Variants in SLC9A9 observed in about 807,000 individuals in gnomAD.
SLC9A9 encodes sodium/hydrogen exchanger 9.
A neutral mutation model predicts 77.8 loss-of-function variants in SLC9A9; 62 were observed. The ratio of observed to expected loss-of-function variants is 0.80; its 90% CI spans 0.65 to 0.98. The LOEUF is 0.98. SLC9A9 is among the 50% of genes least tolerant of loss of function. The pLI is 0.00. For missense variants in SLC9A9, 775 were observed against 774.9 expected, an observed-to-expected ratio of 1.00 and a Z score of 0.00; for synonymous variants, 320 against 283.5, an observed-to-expected ratio of 1.13 and a Z score of -1.29.
intron 13 of SLC9A9, 34 bp downstream of exon 13, chr3:143,382,026 C>G: frequency 6.2e-7 from 1 of 1,612,330 alleles, no homozygotes; most frequent in Non-Finnish European, 8.5e-7. Context: ...ACAATCATAT[C>G]TCTATATAAT....
intron 14 of SLC9A9, 117 bp from the exon 15 acceptor site, chr3:143,269,097 CACTT>C (rs1405751785): frequency 1.2e-5 from 9 of 765,466 alleles, no homozygotes. Context: ...CCTACTCCCT[CACTT>C]AGGAAGAAAT....
chr3:143,415,320 G>T (rs955510637), intron 12 of SLC9A9, among the ~76,000 whole-genome samples: 1 of 152,194 alleles, frequency 6.6e-6, no homozygotes, highest in Non-Finnish European at 1.5e-5. Flanking sequence ...GTTGGAAAAA[G>T]ATGCCATATA....
At chr3:143,427,484 T>C (rs2034428933) in intron 12 of SLC9A9, among the ~76,000 whole-genome samples, 2 of 152,212 alleles carry the variant, frequency 1.3e-5, no homozygotes, top group Non-Finnish European at 2.9e-5. Flanking sequence ...ACTTCTTACT[T>C]GTATCCTATC....
At chr3:143,325,955 G>GT (rs1157676505) in intron 14 of SLC9A9, among the ~76,000 whole-genome samples, 1 of 152,062 alleles carries the variant, frequency 6.6e-6, no homozygotes, top group Non-Finnish European at 1.5e-5. Context: ...GTTCATATCT[G>GT]TTTTTTAATG....
At chr3:143,638,001 C>T (rs1027301288) in intron 6 of SLC9A9, among the ~76,000 whole-genome samples, 1 of 152,096 alleles carries the variant, frequency 6.6e-6, no homozygotes, top group Non-Finnish European at 1.5e-5. Flanking sequence ...ATAAGTTATG[C>T]TAATGAAAAG....
chr3:143,475,599 T>C (rs968378645), intron 11 of SLC9A9, among the ~76,000 whole-genome samples: 1 of 151,748 alleles, frequency 6.6e-6, no homozygotes, highest in Non-Finnish European at 1.5e-5. Context: ...GAGACCATCC[T>C]GGCTAACACG....
At chr3:143,710,446 G>C (rs979198691) in intron 4 of SLC9A9, among the ~76,000 whole-genome samples, 1 of 152,102 alleles carries the variant, frequency 6.6e-6, no homozygotes, top group Non-Finnish European at 1.5e-5. Context: ...CAGCACAAGG[G>C]GTTTAGAGGC....
chr3:143,457,603 A>G (rs1334148690), intron 12 of SLC9A9, among the ~76,000 whole-genome samples: 7 of 152,114 alleles, frequency 4.6e-5, no homozygotes, highest in African/African-American at 1.7e-4. Flanking sequence ...AGTGCTATAC[A>G]TTTCTTTCTG....
chr3:143,397,216 A>T (rs2033750735), intron 12 of SLC9A9, among the ~76,000 whole-genome samples: 1 of 152,254 alleles, frequency 6.6e-6, no homozygotes, highest in Non-Finnish European at 1.5e-5. Flanking sequence ...TAGCTTATCA[A>T]GGCATCTGGC....
At chr3:143,812,226 A>G (rs1448267792) in intron 2 of SLC9A9, among the ~76,000 whole-genome samples, 1 of 152,248 alleles carries the variant, frequency 6.6e-6, no homozygotes, top group Non-Finnish European at 1.5e-5. Context: ...TGTTGATACC[A>G]TTTGATTCAG....
At chr3:143,802,181 C>A (rs1033721558) in intron 2 of SLC9A9, among the ~76,000 whole-genome samples, 2 of 152,202 alleles carry the variant, frequency 1.3e-5, no homozygotes, top group Non-Finnish European at 2.9e-5. Context: ...GCAAATGGTT[C>A]TTAGACCAAG....
intron 12 of SLC9A9, among the ~76,000 whole-genome samples, chr3:143,466,622 T>A (rs571683871): frequency 6.6e-6 from 1 of 152,188 alleles, no homozygotes. Flanking sequence ...GTAAGTGCGG[T>A]GAGGAATTAA....
intron 4 of SLC9A9, among the ~76,000 whole-genome samples, chr3:143,730,271 A>G (rs1934766340): frequency 6.6e-6 from 1 of 151,532 alleles, no homozygotes; most frequent in Non-Finnish European, 1.5e-5. Context: ...TAGTCTTACA[A>G]CTCATCTCCC....
chr3:143,550,667 A>G (rs1398416206), intron 9 of SLC9A9, among the ~76,000 whole-genome samples: 1 of 152,192 alleles, frequency 6.6e-6, no homozygotes, highest in East Asian at 1.9e-4. Context: ...CTCAGCTGGT[A>G]CAAGCTGATG....
At chr3:143,735,027 G>A (rs1560055142) in intron 4 of SLC9A9, among the ~76,000 whole-genome samples, 2 of 152,168 alleles carry the variant, frequency 1.3e-5, no homozygotes, top group Non-Finnish European at 2.9e-5. Context: ...TAAGAAATGA[G>A]AATAATTAGC....
intron 4 of SLC9A9, among the ~76,000 whole-genome samples, chr3:143,700,937 G>A (rs1482968238): frequency 2.0e-5 from 3 of 152,320 alleles, no homozygotes; most frequent in Non-Finnish European, 4.4e-5. Flanking sequence ...TCAACCCCAG[G>A]TCCAGGCAGC....
intron 9 of SLC9A9, among the ~76,000 whole-genome samples, chr3:143,516,239 G>GCTCTCTCT (rs71140441): frequency 0.02 from 3,081 of 151,472 alleles, 100 homozygotes; most frequent in African/African-American, 0.069. Flanking sequence ...GCTTATTTTT[G>GCTCTCTCT]CTCTCTCTCT....
chr3:143,361,331 CA>C (rs2032747851), intron 14 of SLC9A9, among the ~76,000 whole-genome samples: 1 of 152,174 alleles, frequency 6.6e-6, no homozygotes, highest in African/African-American at 2.4e-5. Flanking sequence ...AGCCTTGTGA[CA>C]ATTTCTTTTT....
chr3:143,396,051 G>A (rs188188734), intron 12 of SLC9A9, among the ~76,000 whole-genome samples: 1 of 152,156 alleles, frequency 6.6e-6, no homozygotes, highest in East Asian at 1.9e-4. Flanking sequence ...CGATTCCTCA[G>A]GGATCTAGAA....
Sources: allele counts gnomAD v4.1 joint callset (sites outside exome capture counted in the v4.1 genomes callset), GRCh38; gene constraint gnomAD v4.1.1; transcripts MANE v1.5; gene names NCBI Gene and HGNC (gene_info 2026-07-23, HGNC 2026-07-21).